Variants in F9 observed in about 807,000 individuals in gnomAD.
F9 encodes Christmas factor.
F9 carries 2 observed loss-of-function variants against 34.1 expected under a neutral mutation model. That is an observed-to-expected ratio of 0.06 (90% confidence interval 0.02 to 0.18). The LOEUF (loss-of-function observed/expected upper bound fraction) is 0.18, where lower values mean the gene tolerates loss of function less well. F9 is among the 10% of genes least tolerant of loss of function. The pLI is 1.00. For missense variants in F9, 216 were observed against 345.1 expected, an observed-to-expected ratio of 0.63 and a Z score of 2.96; for synonymous variants, 137 against 118.8, an observed-to-expected ratio of 1.15 and a Z score of -1.00.
chrX:139,534,622 T>C (rs1170293515), intron 1 of F9, among the ~76,000 whole-genome samples: 1 of 112,554 alleles, frequency 8.9e-6, no homozygotes, highest in Non-Finnish European at 1.9e-5. Context: ...GCATTTACAT[T>C]GTATTAGCTA....
chrX:139,538,593 A>G (rs1490265160), intron 3 of F9, among the ~76,000 whole-genome samples: 1 of 111,494 alleles, frequency 9.0e-6, no homozygotes, highest in African/African-American at 3.3e-5. Flanking sequence ...ACTCTGTTAT[A>G]TTGTTTTATC....
intron 2 of F9, 83 bp from the exon 3 acceptor site, chrX:139,537,279 T>C: frequency 9.2e-7 from 1 of 1,092,874 alleles, no homozygotes; most frequent in Non-Finnish European, 1.3e-6. Flanking sequence ...TATTTATGTA[T>C]GTTAAATGTT....
At chrX:139,535,653 C>T (rs1927442062) in intron 1 of F9, among the ~76,000 whole-genome samples, 1 of 111,246 alleles carries the variant, frequency 9.0e-6, no homozygotes, top group Non-Finnish European at 1.9e-5. Flanking sequence ...AGATATATTG[C>T]TAGACCCTTG....
intron 1 of F9, among the ~76,000 whole-genome samples, chrX:139,534,724 G>C (rs1927416400): frequency 8.9e-6 from 1 of 111,795 alleles, no homozygotes; most frequent in African/African-American, 3.2e-5. Flanking sequence ...GGAGACTTGA[G>C]CATCCACAGA....
chrX:139,562,493 A>G lies in F9; in HGVS notation c.*422A>G, dbSNP rs2148368602. ...CAGTACAGGATCTTTGGTCTACTCT[A>G]TCACAAGGCCAGTACCACACTCATG... On this transcript the variant is annotated 3_prime_UTR_variant, in exon 8 of 8. Coordinates refer to ENST00000218099, the MANE Select transcript of F9 (RefSeq NM_000133.4). The G allele has an allele frequency of 6.8e-6, 1 of 147,581 alleles. No homozygotes were observed. Among genetic ancestry groups the G allele is most frequent in the African/African-American group, 3.1e-5 (1 of 31,869 alleles). 12.2% of individuals were successfully genotyped at this position (147,581 alleles called of 1,213,427 possible). A position where few individuals can be genotyped will look rare whatever the true frequency, so the allele number is the denominator to read the frequency against.
intron 6 of F9, among the ~76,000 whole-genome samples, chrX:139,555,150 T>G (rs1398503871): frequency 8.9e-6 from 1 of 112,136 alleles, no homozygotes; most frequent in Non-Finnish European, 1.9e-5. Context: ...GAGCAAATGT[T>G]GATTGAACAA....
rs946519303 is a variant in F9 at position 139,562,087 on chromosome X, C to G, written c.*16C>G. On this transcript the variant is annotated 3_prime_UTR_variant, in exon 8 of 8. Transcript: ENST00000218099. Reference sequence around the variant, plus strand: ...GCTCACTTAATGAAAGATGGATTTCCAAGGTTAATTCATTGGAATTGAAAA... The same window carrying G: ...GCTCACTTAATGAAAGATGGATTTCGAAGGTTAATTCATTGGAATTGAAAA... 8 of 1,195,309 alleles carry G rather than the reference C, an allele frequency of 6.7e-6. No individual in the cohort carries two copies. The highest frequency in any genetic ancestry group is 9.1e-6 in the Non-Finnish European group (8 of 880,902).
At chrX:139,535,124 G>A (rs906231427) in intron 1 of F9, among the ~76,000 whole-genome samples, 1 of 111,539 alleles carries the variant, frequency 9.0e-6, no homozygotes, top group Non-Finnish European at 1.9e-5. Flanking sequence ...GCCCAGGCAG[G>A]CAGATCACTT....
Position 139,553,346 on chromosome X carries a change from G to C in F9, c.723+2082G>C, listed in dbSNP as rs189577044. 8.1e-5 allele frequency among the ~76,000 whole-genome samples: 9 copies of C among 111,588 alleles called. No individual in the cohort carries two copies. The East Asian group carries it at 2.6e-3, about 32-fold the overall frequency. ...ACAATCCCTCTTAAGTGCAAGCACT[G>C]TTATTATGCCTTCAATGTATTTAAT... On this transcript the variant is annotated intron_variant, in intron 6 of 7. Transcript: ENST00000218099.
intron 3 of F9, among the ~76,000 whole-genome samples, chrX:139,538,186 T>A (rs1603264419): frequency 8.9e-6 from 1 of 112,216 alleles, no homozygotes; most frequent in Non-Finnish European, 1.9e-5. Flanking sequence ...GCAAGTTTCA[T>A]GTTGGCAGGG....
intron 2 of F9, 30 bp downstream of exon 2, chrX:139,537,203 T>C: frequency 8.4e-7 from 1 of 1,197,141 alleles, no homozygotes; most frequent in Non-Finnish European, 1.1e-6. Context: ...ACCCTTCAGA[T>C]GCAGAGCATA....
At chrX:139,538,541 C>G (rs745938273) in intron 3 of F9, among the ~76,000 whole-genome samples, 4 of 111,733 alleles carry the variant, frequency 3.6e-5, no homozygotes, top group African/African-American at 1.3e-4. Context: ...TAACTCATAA[C>G]TCCTCCACTT....
intron 5 of F9, 88 bp from the exon 6 acceptor site, chrX:139,550,974 G>A: frequency 1.2e-6 from 1 of 804,066 alleles, no homozygotes; most frequent in Non-Finnish European, 1.9e-6. Context: ...GAAGTGACAA[G>A]GATGGGCCTC....
chrX:139,551,387 C>T, intron 6 of F9, 123 bp downstream of exon 6: 1 of 612,164 alleles, frequency 1.6e-6, no homozygotes, highest in South Asian at 2.4e-5. Flanking sequence ...AGGCAAGTTT[C>T]AGCACTAACC....
At chrX:139,548,785 T>A (rs1927776997) in intron 5 of F9, among the ~76,000 whole-genome samples, 1 of 112,276 alleles carries the variant, frequency 8.9e-6, no homozygotes, top group African/African-American at 3.2e-5. Context: ...TATTTGTAAT[T>A]CATCAAGTCA....
rs191483077 is a variant in F9 at position 139,562,677 on chromosome X, G to A, written c.*606G>A. Reference sequence around the variant, plus strand: ...TCTCTCCCTTTTACCCTCCATGGTCGTTAAAGGAGAGATGGGGAGCATCAT... The same window carrying A: ...TCTCTCCCTTTTACCCTCCATGGTCATTAAAGGAGAGATGGGGAGCATCAT... On this transcript the variant is annotated 3_prime_UTR_variant, in exon 8 of 8. Transcript: ENST00000218099. 5.0e-3 allele frequency: 553 copies of A among 110,460 alleles called. 6 individuals are homozygous for A. The highest frequency in any genetic ancestry group is 6.9e-3 in the Non-Finnish European group (368 of 53,383). 9.1% of individuals were successfully genotyped at this position (110,460 alleles called of 1,213,427 possible). A position where few individuals can be genotyped will look rare whatever the true frequency, so the allele number is the denominator to read the frequency against.
At chrX:139,541,231 C>A in intron 4 of F9, 42 bp downstream of exon 4, 1 of 962,933 alleles carries the variant, frequency 1.0e-6, no homozygotes, top group Non-Finnish European at 1.5e-6. Context: ...CAAAGTTTCC[C>A]TCTGAAACAA....
chrX:139,561,940 G>A lies in F9; in HGVS notation c.1255G>A (p.Val419Met), dbSNP rs1928127579. The A allele has an allele frequency of 8.3e-7, 1 of 1,212,051 alleles. No individual in the cohort carries two copies. Among genetic ancestry groups the A allele is most frequent in the Non-Finnish European group, 1.1e-6 (1 of 895,534 alleles). Residue 419 changes from valine (V) to methionine (M), a missense_variant, in exon 8 of 8, where the codon GTG (valine) becomes ATG (methionine). Physicochemically the swap from Val to Met is conservative, Grantham distance 21. Coordinates refer to ENST00000218099, the MANE Select transcript of F9 (RefSeq NM_000133.4). ...GDSGGPHVTE[V>M]EGTSFLTGII... is the part of the protein sequence containing the mutation. ...TAGTGGGGGACCCCATGTTACTGAA[G>A]TGGAAGGGACCAGTTTCTTAACTGG...
intron 1 of F9, among the ~76,000 whole-genome samples, chrX:139,536,210 C>CACACACATATATATGT (rs1569481874): frequency 9.3e-5 from 7 of 75,395 alleles, no homozygotes; most frequent in Admixed American, 4.0e-4. Context: ...TACATATATA[C>CACACACATATATATGT]ACACACATAT....
Sources: allele counts gnomAD v4.1 joint callset (sites outside exome capture counted in the v4.1 genomes callset), GRCh38; gene constraint gnomAD v4.1.1; transcripts MANE v1.5; gene names NCBI Gene and HGNC (gene_info 2026-07-23, HGNC 2026-07-21).